The following LAGE3 variants were observed in gnomAD, a reference collection of about 807,000 sequenced individuals.
The protein encoded by LAGE3 is L antigen family member 3.
A neutral mutation model predicts 4.4 loss-of-function variants in LAGE3; 2 were observed. That is an observed-to-expected ratio of 0.46 (90% CI 0.19 to 1.44). The LOEUF (loss-of-function observed/expected upper bound fraction) is 1.44. Ranked by LOEUF, LAGE3 falls within the 40% of genes most tolerant of loss-of-function variation. The probability of loss-of-function intolerance (pLI) is 0.26; values close to 1 mark genes in which losing one functional copy is unlikely to be tolerated. For synonymous variants in LAGE3, 79 were observed against 60.0 expected (o/e 1.32, Z -1.47); for missense variants, 152 against 138.1 (o/e 1.10, Z -0.51).
chrX:154,478,191 C>T (rs782246952), intron 2 of LAGE3, 92 bp downstream of exon 2: 15 of 1,149,848 alleles, frequency 1.3e-5, no homozygotes, highest in Non-Finnish European at 1.8e-5. Flanking sequence ...GAGACCGGCC[C>T]AGCGCACCTG....
Position 154,478,766 on chromosome X carries a change from C to A in LAGE3, c.150G>T (p.Ala50=). The A allele has an allele frequency of 1.8e-6, 2 of 1,121,694 alleles. No homozygotes were observed. Among genetic ancestry groups the A allele is most frequent in the South Asian group, 2.2e-5 (1 of 46,084 alleles). 92.4% of individuals were successfully genotyped at this position (1,121,694 alleles called of 1,213,427 possible). A position where few individuals can be genotyped will look rare whatever the true frequency, so the allele number is the denominator to read the frequency against. Reference sequence around the variant, plus strand: ...GCATTCGTGACCCCCTGGCCGCAGACGCGGCGTCTCTGCCCGGACCTGGCG... The same window carrying A: ...GCATTCGTGACCCCCTGGCCGCAGAAGCGGCGTCTCTGCCCGGACCTGGCG... The part of the protein sequence containing the change: ...AHAPGPGRDA[A]SAARGSRMRP... Residue 50 remains alanine (A), a synonymous_variant, in exon 1 of 3, where the codon GCG becomes GCT. Coordinates refer to ENST00000357360, the MANE Select transcript of LAGE3 (RefSeq NM_006014.5).
rs1325451137 is a variant in LAGE3, at chrX:154,479,211, C to T, written c.-296G>A. 17 of 250,925 alleles carry T rather than the reference C, an allele frequency of 6.8e-5. No individual in the cohort carries two copies. In the Admixed American group the frequency reaches 1.1e-3, roughly 17 times the overall value. The allele number at this position is 250,925 out of a possible 1,213,427, so 20.7% of individuals were successfully genotyped here. A position where few individuals can be genotyped will look rare whatever the true frequency, so the allele number is the denominator to read the frequency against. ...CAAACTGACCCACAGTCGGTCCGGCCCCAGGAAGCCAACCCTGACGGGGCT... is the reference window on the plus strand; with the variant it reads ...CAAACTGACCCACAGTCGGTCCGGCTCCAGGAAGCCAACCCTGACGGGGCT... On this transcript the variant is annotated 5_prime_UTR_variant, in exon 1 of 3. Transcript: ENST00000357360.
Position 154,478,201 on chromosome X carries a change from G to A in LAGE3, c.317+82C>T, listed in dbSNP as rs1418413758. On this transcript the variant is annotated intron_variant, in intron 2 of 2. Coordinates refer to ENST00000357360, the MANE Select transcript of LAGE3 (RefSeq NM_006014.5). ...AGGCAGAGACCGGCCCAGCGCACCT[G>A]GCGCTCCTTAGGGCTCATCCTTGGA... 4 of 1,159,460 alleles carry A rather than the reference G, an allele frequency of 3.4e-6. No individual in the cohort carries two copies. The Admixed American group carries it at 6.7e-5, about 19-fold the overall frequency.
rs2276463 is a variant in LAGE3 at position 154,478,825 on chromosome X, C to T, written c.91G>A (p.Ala31Thr). Residue 31 changes from alanine to threonine, a missense_variant, in exon 1 of 3, where the codon GCA (alanine) becomes ACA (threonine). Physicochemically the swap from Ala to Thr is moderately conservative, Grantham distance 58 (BLOSUM62 0). Coordinates refer to ENST00000357360, the MANE Select transcript of LAGE3 (RefSeq NM_006014.5). Reference protein sequence around the residue: ...HSCRGGVDTAAAPAGGAPPAH... With the variant: ...HSCRGGVDTATAPAGGAPPAH... ...GGGGGAGCTCCACCGGCCGGAGCTGCGGCTGTGTCCACGCCCCCGCGGCAG... is the reference window on the plus strand; with the variant it reads ...GGGGGAGCTCCACCGGCCGGAGCTGTGGCTGTGTCCACGCCCCCGCGGCAG... 8.9e-4 allele frequency: 988 copies of T among 1,107,697 alleles called. 16 individuals carry two copies. In the East Asian group the frequency reaches 0.031, roughly 35 times the overall value. 91.3% of individuals were successfully genotyped at this position (1,107,697 alleles called of 1,213,427 possible).
At chrX:154,478,148 T>C (rs1021223211) in intron 2 of LAGE3, 90 bp from the exon 3 acceptor site, 1 of 1,104,867 alleles carries the variant, frequency 9.1e-7, no homozygotes, top group South Asian at 1.9e-5. Context: ...AGCAAACCCT[T>C]GGGAGCCCTG....
chrX:154,478,150 G>T, intron 2 of LAGE3, 92 bp from the exon 3 acceptor site: 1 of 1,109,356 alleles, frequency 9.0e-7, no homozygotes, highest in South Asian at 1.9e-5. Flanking sequence ...CAAACCCTTG[G>T]GAGCCCTGCC....
chrX:154,478,918 CCG>C lies in LAGE3; in HGVS notation c.-5_-4del, dbSNP rs1203274111. On this transcript the variant is annotated 5_prime_UTR_variant, in exon 1 of 3. Coordinates refer to ENST00000357360, the MANE Select transcript of LAGE3 (RefSeq NM_006014.5). ...GCGTCTGCATCCGCGTCCCGCATGA[CCG>C]CCGCCGCGCCGCTCCGACTCCACCC... 1 of 932,652 alleles carries C rather than the reference CCG, an allele frequency of 1.1e-6. No individual in the cohort carries two copies. Among genetic ancestry groups the C allele is most frequent in the Non-Finnish European group, 1.4e-6 (1 of 733,541 alleles). The allele number at this position is 932,652 out of a possible 1,213,427, so 76.9% of individuals were successfully genotyped here. A position where few individuals can be genotyped will look rare whatever the true frequency, so the allele number is the denominator to read the frequency against.
At chrX:154,478,658 G>A in intron 1 of LAGE3, 70 bp downstream of exon 1, 2 of 410,948 alleles carry the variant, frequency 4.9e-6, no homozygotes, top group Non-Finnish European at 6.0e-6. Flanking sequence ...CCCCCCGCCC[G>A]CCCTCCTTTC....
Position 154,478,793 on chromosome X carries a change from G to A in LAGE3, c.123C>T (p.His41=). ...CGGCGTCTCTGCCCGGACCTGGCGC[G>A]TGCGCTGGGGGAGCTCCACCGGCCG... ...AAPAGGAPPA[H]APGPGRDAAS... is the part of the protein sequence containing the mutation. Residue 41 remains histidine (H), a synonymous_variant, in exon 1 of 3, where the codon CAC becomes CAT. Coordinates refer to ENST00000357360, the MANE Select transcript of LAGE3 (RefSeq NM_006014.5). The A allele has an allele frequency of 1.8e-6, 2 of 1,136,598 alleles. No homozygotes were observed. The highest frequency in any genetic ancestry group is 1.8e-5 in the African/African-American group (1 of 54,105). 93.7% of individuals were successfully genotyped at this position (1,136,598 alleles called of 1,213,427 possible).
At position 154,478,757 on chromosome X, in the gene LAGE3, G is replaced by T; in HGVS notation, c.159C>A (p.Ala53=). 1 of 1,110,513 alleles carries T rather than the reference G, an allele frequency of 9.0e-7. No individual in the cohort carries two copies. The allele number at this position is 1,110,513 out of a possible 1,213,427, so 91.5% of individuals were successfully genotyped here. The change falls in exon 1 of 3, where the codon GCC becomes GCA. Residue 53 remains alanine (A), a synonymous_variant. Coordinates refer to ENST00000357360, the MANE Select transcript of LAGE3 (RefSeq NM_006014.5). ...PGPGRDAASA[A]RGSRMRPHIF... is the part of the protein sequence containing the mutation. ...TGTGCGGCCGCATTCGTGACCCCCT[G>T]GCCGCAGACGCGGCGTCTCTGCCCG...
Position 154,478,387 on chromosome X carries a change from G to A in LAGE3, c.213C>T (p.Thr71=), listed in dbSNP as rs377753533. The change falls in exon 2 of 3, where the codon ACC becomes ACT. Residue 71 remains threonine (T), a synonymous_variant. Transcript: ENST00000357360. ...HIFTLSVPFP[T]PLEAEIAHGS... ...CATGGGCGATTTCCGCCTCCAAGGG[G>A]GTCGGGAAAGGCACGCTGAGGGTGC... The A allele has an allele frequency of 3.3e-6, 4 of 1,195,244 alleles. No homozygotes were observed. The highest frequency in any genetic ancestry group is 3.4e-6 in the Non-Finnish European group (3 of 888,080).
chrX:154,478,299 C>A lies in LAGE3; in HGVS notation c.301G>T (p.Gly101Cys). The A allele has an allele frequency of 8.3e-7, 1 of 1,211,283 alleles. No homozygotes were observed. Among genetic ancestry groups the A allele is most frequent in the Non-Finnish European group, 1.1e-6 (1 of 895,370 alleles). Reference sequence around the variant, plus strand: ...AGAACTTACACGACCAGGATCCTGCCACTCACTGTGAGATCCTTCCCAACC... The same window carrying A: ...AGAACTTACACGACCAGGATCCTGCAACTCACTGTGAGATCCTTCCCAACC... ...RVVGKDLTVS[G>C]RILVVRWKAE... Residue 101 changes from glycine (G) to cysteine (C), a missense_variant, in exon 2 of 3, where the codon GGC becomes TGC. Physicochemically the swap from Gly to Cys is radical, Grantham distance 159. Coordinates refer to ENST00000357360, the MANE Select transcript of LAGE3 (RefSeq NM_006014.5).
rs2069257813 is a variant in LAGE3, at chrX:154,479,036, A to G, written c.-121T>C. The G allele has an allele frequency of 5.8e-6, 2 of 345,668 alleles. No homozygotes were observed. Among genetic ancestry groups the G allele is most frequent in the Non-Finnish European group, 9.4e-6 (2 of 213,901 alleles). The allele number at this position is 345,668 out of a possible 1,213,427, so 28.5% of individuals were successfully genotyped here. A position where few individuals can be genotyped will look rare whatever the true frequency, so the allele number is the denominator to read the frequency against. ...CGACTCCGCCCACACGCGCCTGCGC[A>G]GGTCCCTGGAGAGCCTGACTGGCGC... On this transcript the variant is annotated 5_prime_UTR_variant, in exon 1 of 3. Coordinates refer to ENST00000357360, the MANE Select transcript of LAGE3 (RefSeq NM_006014.5).
intron 1 of LAGE3, 141 bp from the exon 2 acceptor site, chrX:154,478,552 C>G: frequency 1.0e-6 from 1 of 969,365 alleles, no homozygotes; most frequent in South Asian, 2.5e-5. Flanking sequence ...CCACCGTTAG[C>G]AGAGCTTCTC....
Position 154,478,014 on chromosome X carries a change from A to C in LAGE3, c.362T>G (p.Ile121Ser), listed in dbSNP as rs146063259. 1 of 1,211,146 alleles carries C rather than the reference A, an allele frequency of 8.3e-7. No homozygotes were observed. Among genetic ancestry groups the C allele is most frequent in the East Asian group, 3.0e-5 (1 of 33,841 alleles). ...EDCRLLRISV[I>S]NFLDQLSLVV... ...CAGGGAAAGCTGGTCAAGAAAGTTG[A>C]TGACGGAAATTCGGAGCAGGCGACA... The change falls in exon 3 of 3, where the codon ATC (isoleucine) becomes AGC (serine). Residue 121 changes from isoleucine (I) to serine (S), a missense_variant. Coordinates refer to ENST00000357360, the MANE Select transcript of LAGE3 (RefSeq NM_006014.5).
chrX:154,478,195 G>A, intron 2 of LAGE3, 88 bp downstream of exon 2: 1 of 1,149,790 alleles, frequency 8.7e-7, no homozygotes. Context: ...CCGGCCCAGC[G>A]CACCTGGCGC....
chrX:154,478,999 G>T lies in LAGE3; in HGVS notation c.-84C>A. The stretch of plus-strand genomic sequence containing the variant: ...CTCTGTGGCTCCTTCCCGAAGCCCC[G>T]CCCCCTGCGCACGACTCCGCCCACA... On this transcript the variant is annotated 5_prime_UTR_variant, in exon 1 of 3. Coordinates refer to ENST00000357360, the MANE Select transcript of LAGE3 (RefSeq NM_006014.5). 2.1e-6 allele frequency: 1 copy of T among 468,362 alleles called. No individual in the cohort carries two copies. Among genetic ancestry groups the T allele is most frequent in the Non-Finnish European group, 3.1e-6 (1 of 318,999 alleles). 38.6% of individuals were successfully genotyped at this position (468,362 alleles called of 1,213,427 possible). A position where few individuals can be genotyped will look rare whatever the true frequency, so the allele number is the denominator to read the frequency against.
chrX:154,478,645 C>T, intron 1 of LAGE3, 83 bp downstream of exon 1: 1 of 628,061 alleles, frequency 1.6e-6, no homozygotes, highest in Non-Finnish European at 2.1e-6. Flanking sequence ...CCCTTTCCGT[C>T]GGCCCCCCGC....
rs1454764778 is a variant in LAGE3 at position 154,479,268 on chromosome X, G to A, written c.-353C>T. 5.5e-6 allele frequency: 1 copy of A among 180,533 alleles called. No individual in the cohort carries two copies. The highest frequency in any genetic ancestry group is 3.0e-5 in the African/African-American group (1 of 33,687). The allele number at this position is 180,533 out of a possible 1,213,427, so 14.9% of individuals were successfully genotyped here. On this transcript the variant is annotated 5_prime_UTR_variant, in exon 1 of 3. Coordinates refer to ENST00000357360, the MANE Select transcript of LAGE3 (RefSeq NM_006014.5). ...GACACCGTGGTCGCCTATCCCAGAG[G>A]CGCACCCCGCGAGGCTCCGCCCCTA...
Sources: allele counts gnomAD v4.1 joint callset, GRCh38; gene constraint gnomAD v4.1.1; transcripts MANE v1.5; gene names NCBI Gene and HGNC (gene_info 2026-07-23, HGNC 2026-07-21).